UTRN: variants seen among roughly 807,000 people sequenced by gnomAD.
UTRN encodes the protein utrophin, also known as dystrophin-related protein 1.
Under a neutral mutation model 463.9 loss-of-function variants are expected in UTRN, and 283 were observed. The observed-to-expected ratio is 0.61, with a 90% CI of 0.55 to 0.67. UTRN has a LOEUF of 0.67. Among genes scored for constraint, UTRN ranks in the 30% least tolerant of loss-of-function variants. The pLI is 0.00. For missense variants in UTRN, 3,922 were observed against 4,084.3 expected (o/e 0.96, Z 1.08); for synonymous variants, 1,442 against 1,431.5 (o/e 1.01, Z -0.17).
At chr6:144,818,125 A>G (rs1030828299) in intron 65 of UTRN, among the ~76,000 whole-genome samples, 1 of 152,230 alleles carries the variant, frequency 6.6e-6, no homozygotes, top group Non-Finnish European at 1.5e-5. Context: ...TTGGAACTCA[A>G]ATATAGATAA....
chr6:144,669,163 G>T (rs778347392), intron 51 of UTRN, among the ~76,000 whole-genome samples: 3 of 152,058 alleles, frequency 2.0e-5, no homozygotes, highest in Non-Finnish European at 2.9e-5. Flanking sequence ...GGATAGTTAT[G>T]CTGACAATTT....
chr6:144,396,033 C>T lies in UTRN; in HGVS notation c.80-7090C>T, dbSNP rs537163539. Among the ~76,000 whole-genome samples, 186 of 152,270 alleles carry T rather than the reference C, an allele frequency of 1.2e-3. 1 individual carries two copies. The highest frequency in any genetic ancestry group is 4.2e-3 in the African/African-American group (174 of 41,568). On this transcript the variant is annotated intron_variant, in intron 2 of 74. Coordinates refer to ENST00000367545, the MANE Select transcript of UTRN (RefSeq NM_007124.3). The stretch of plus-strand genomic sequence containing the variant: ...TAACCTAGCAATTTCACTCCTGCAT[C>T]TACACCCAAAGGAACTGAAATCGGG...
At chr6:144,808,107 C>T (rs1778303992) in intron 65 of UTRN, among the ~76,000 whole-genome samples, 1 of 151,988 alleles carries the variant, frequency 6.6e-6, no homozygotes, top group South Asian at 2.1e-4. Flanking sequence ...TGTGTATATC[C>T]TTGCTGGAAT....
intron 54 of UTRN, among the ~76,000 whole-genome samples, chr6:144,744,780 A>G (rs776130978): frequency 3.9e-4 from 60 of 152,078 alleles, no homozygotes; most frequent in Non-Finnish European, 8.2e-4. Context: ...GCCTTTCCCA[A>G]TGCAAATTAG....
At chr6:144,474,824 A>G in intron 25 of UTRN, 65 bp downstream of exon 25, 7 of 1,548,132 alleles carry the variant, frequency 4.5e-6, no homozygotes, top group Non-Finnish European at 6.1e-6. Flanking sequence ...CTCTCAGCTG[A>G]CTAAATGTAT....
Position 144,490,143 on chromosome 6 carries a change from C to G in UTRN, c.4207C>G (p.Leu1403Val). ...ELRRNMRSQP[L>V]TSPESRTARG... is the part of the protein sequence containing the mutation. ...GAGAAGAAATATGCGTTCTCAGCCC[C>G]TGACCTCCCCAGAGAGTAGGACTGC... Residue 1403 changes from leucine to valine, a missense_variant, in exon 31 of 75, where the codon CTG becomes GTG. Physicochemically the swap from Leu to Val is conservative, Grantham distance 32. Around this residue, in one of 3 missense-constraint regions of UTRN, gnomAD observed 2,349 missense variants for 2,303.8 expected, o/e 1.02. Transcript: ENST00000367545. 6.2e-7 allele frequency: 1 copy of G among 1,613,824 alleles called. No individual in the cohort carries two copies. The highest frequency in any genetic ancestry group is 8.5e-7 in the Non-Finnish European group (1 of 1,179,858).
At chr6:144,289,121 C>T (rs954651256) in intron 1 of UTRN, among the ~76,000 whole-genome samples, 5 of 152,022 alleles carry the variant, frequency 3.3e-5, no homozygotes, top group Admixed American at 2.6e-4. Context: ...TTGTCATCTC[C>T]GCTTATATAA....
chr6:144,726,223 T>C (rs900155858), intron 53 of UTRN, among the ~76,000 whole-genome samples: 2 of 152,054 alleles, frequency 1.3e-5, no homozygotes, highest in African/African-American at 4.8e-5. Flanking sequence ...GTTGAGTGAG[T>C]CTCAGTGCAT....
chr6:144,580,324 A>T (rs1448420495), intron 51 of UTRN, among the ~76,000 whole-genome samples: 1 of 152,150 alleles, frequency 6.6e-6, no homozygotes, highest in Non-Finnish European at 1.5e-5. Context: ...GTGTATGTAG[A>T]ACTACTTAGC....
At chr6:144,387,012 T>C (rs1454553147) in intron 2 of UTRN, among the ~76,000 whole-genome samples, 1 of 152,208 alleles carries the variant, frequency 6.6e-6, no homozygotes, top group Non-Finnish European at 1.5e-5. Flanking sequence ...CCTCATTTTT[T>C]CCCAGGTTTC....
intron 2 of UTRN, among the ~76,000 whole-genome samples, chr6:144,314,549 A>G (rs924234802): frequency 6.6e-6 from 1 of 152,224 alleles, no homozygotes; most frequent in African/African-American, 2.4e-5. Context: ...CCTTGGGACC[A>G]GATATGCTTC....
intron 61 of UTRN, among the ~76,000 whole-genome samples, chr6:144,788,257 C>T (rs560161456): frequency 2.0e-5 from 3 of 152,062 alleles, no homozygotes; most frequent in Non-Finnish European, 2.9e-5. Context: ...AGATCACTGA[C>T]TATTAAAATT....
intron 2 of UTRN, among the ~76,000 whole-genome samples, chr6:144,363,130 C>T (rs1779219998): frequency 6.6e-6 from 1 of 152,002 alleles, no homozygotes. Flanking sequence ...GATGGACACA[C>T]AATAGTATTT....
chr6:144,580,650 C>A (rs766444934), intron 51 of UTRN, among the ~76,000 whole-genome samples: 2 of 152,172 alleles, frequency 1.3e-5, no homozygotes, highest in South Asian at 2.1e-4. Context: ...TTCTTTGGAG[C>A]CCTGCAGGAG....
intron 2 of UTRN, among the ~76,000 whole-genome samples, chr6:144,385,564 C>T (rs914771712): frequency 7.2e-5 from 11 of 152,130 alleles, no homozygotes; most frequent in African/African-American, 2.7e-4. Flanking sequence ...AGAGGAAGAG[C>T]TATTTTACAC....
At chr6:144,582,163 T>C (rs1166902908) in intron 51 of UTRN, among the ~76,000 whole-genome samples, 1 of 152,164 alleles carries the variant, frequency 6.6e-6, no homozygotes, top group Admixed American at 6.5e-5. Context: ...TTTAAATCGT[T>C]GTAACATGAA....
At chr6:144,557,052 A>G in intron 49 of UTRN, 105 bp from the exon 50 acceptor site, 1 of 1,380,232 alleles carries the variant, frequency 7.2e-7, no homozygotes, top group Non-Finnish European at 9.7e-7. Context: ...ATCCTGTGAT[A>G]TCTGTATCTA....
chr6:144,656,639 T>G (rs989793515), intron 51 of UTRN, among the ~76,000 whole-genome samples: 5 of 152,188 alleles, frequency 3.3e-5, no homozygotes, highest in African/African-American at 1.2e-4. Flanking sequence ...TGTGCTCACT[T>G]TTATAAAAGC....
chr6:144,832,773 A>G (rs1005202410), intron 69 of UTRN, among the ~76,000 whole-genome samples: 1 of 152,058 alleles, frequency 6.6e-6, no homozygotes, highest in Non-Finnish European at 1.5e-5. Context: ...TAGGTATGTT[A>G]TTGATAGGTA....
Sources: allele counts gnomAD v4.1 joint callset (sites outside exome capture counted in the v4.1 genomes callset), GRCh38; gene constraint gnomAD v4.1.1; regional missense constraint gnomAD v4.1.1; transcripts MANE v1.5; gene names NCBI Gene and HGNC (gene_info 2026-07-23, HGNC 2026-07-21).